CIROZ: variants seen among roughly 807,000 people sequenced by gnomAD.
The protein encoded by CIROZ is ciliated left-right organizer protein containing ZP-N domains.
the CIROZ span, among the ~76,000 whole-genome samples, chr1:10,979,812 C>G: frequency 6.6e-6 from 1 of 152,184 alleles, no homozygotes; most frequent in African/African-American, 2.4e-5. Context: ...CTTTGGGAAG[C>G]GGAGGCGGGC....
At chr1:10,948,931 A>ATCTT in the CIROZ span, 2 of 1,307,282 alleles carry the variant, frequency 1.5e-6, no homozygotes, top group Non-Finnish European at 2.0e-6. Flanking sequence ...CAACCCAAAG[A>ATCTT]TGGGTTCGAG....
chr1:10,953,886 T>G, the CIROZ span: 1 of 1,293,656 alleles, frequency 7.7e-7, no homozygotes, highest in East Asian at 2.8e-5. Flanking sequence ...TCACTTACCT[T>G]GTAGGTGTGG....
chr1:10,957,213 C>T, the CIROZ span: 9 of 853,040 alleles, frequency 1.1e-5, no homozygotes, highest in Non-Finnish European at 3.5e-6. Context: ...AGTCTCTGAA[C>T]TAAAGCCCCA....
At chr1:10,956,925 T>G in the CIROZ span, 1 of 1,039,186 alleles carries the variant, frequency 9.6e-7, no homozygotes, top group Non-Finnish European at 1.4e-6. Context: ...AGAGGTGGGA[T>G]GAGACAGAGG....
At chr1:10,948,083 T>A in the CIROZ span, 1 of 1,613,348 alleles carries the variant, frequency 6.2e-7, no homozygotes, top group Non-Finnish European at 8.5e-7. Context: ...TGAGTTCAGG[T>A]CCTGAACTCA....
the CIROZ span, among the ~76,000 whole-genome samples, chr1:10,973,728 C>T: frequency 2.0e-5 from 3 of 152,138 alleles, no homozygotes; most frequent in African/African-American, 4.8e-5. Context: ...CCTCCCAAAC[C>T]GCAGCTGCAG....
chr1:10,951,335 C>T, the CIROZ span, among the ~76,000 whole-genome samples: 5 of 152,116 alleles, frequency 3.3e-5, no homozygotes, highest in East Asian at 5.8e-4. Context: ...GAGGCTGAGG[C>T]GGCTGGATCA....
At chr1:10,948,126 G>C in the CIROZ span, 1 of 1,613,566 alleles carries the variant, frequency 6.2e-7, no homozygotes, top group South Asian at 1.1e-5. Flanking sequence ...CCTCACACTT[G>C]GGGTGGAGAA....
At chr1:10,954,273 T>C in the CIROZ span, 1 of 1,049,428 alleles carries the variant, frequency 9.5e-7, no homozygotes, top group Non-Finnish European at 1.3e-6. Flanking sequence ...GCTAACACAG[T>C]GAAACCCTGT....
the CIROZ span, chr1:10,949,437 G>A: frequency 1.4e-6 from 1 of 739,632 alleles, no homozygotes; most frequent in Non-Finnish European, 2.2e-6. Context: ...GCTCTTGGGG[G>A]CCCAGCTTTC....
At chr1:10,973,010 G>T in the CIROZ span, among the ~76,000 whole-genome samples, 3 of 152,266 alleles carry the variant, frequency 2.0e-5, no homozygotes, top group Non-Finnish European at 2.9e-5. Context: ...TATAGCCTTT[G>T]CTGAAAACGT....
At chr1:10,964,022 G>C in the CIROZ span, 1 of 1,399,578 alleles carries the variant, frequency 7.1e-7, no homozygotes, top group Non-Finnish European at 9.7e-7. Flanking sequence ...GTCTCCCTGG[G>C]CCACGTCCTG....
chr1:10,954,257 C>T, the CIROZ span: 1 of 1,225,056 alleles, frequency 8.2e-7, no homozygotes, highest in Non-Finnish European at 1.1e-6. Flanking sequence ...AGATCGAGAC[C>T]ATCTGGCTAA....
At chr1:10,956,507 G>A in the CIROZ span, among the ~76,000 whole-genome samples, 5 of 148,358 alleles carry the variant, frequency 3.4e-5, no homozygotes, top group Admixed American at 2.0e-4. Context: ...ATGGAGTCTC[G>A]CTCTGTCCCC....
chr1:10,970,002 C>T, the CIROZ span: 3 of 1,537,090 alleles, frequency 2.0e-6, no homozygotes, highest in South Asian at 3.6e-5. Context: ...CAGCCACCGC[C>T]TCAGCCCCTC....
chr1:10,964,182 C>T, the CIROZ span: 2 of 1,614,192 alleles, frequency 1.2e-6, no homozygotes, highest in East Asian at 2.2e-5. Context: ...TTGACCTTAG[C>T]ATCGGACACT....
chr1:10,966,337 A>AG, the CIROZ span: 35 of 1,497,668 alleles, frequency 2.3e-5, no homozygotes, highest in Non-Finnish European at 3.0e-5. Context: ...AAAAAAAAAA[A>AG]GAAAAGTTTC....
chr1:10,977,440 G>A, the CIROZ span, among the ~76,000 whole-genome samples: 62 of 151,916 alleles, frequency 4.1e-4, no homozygotes, highest in Non-Finnish European at 1.3e-4. Context: ...ATGAGATCAC[G>A]CCACTGCACT....
chr1:10,954,033 A>C, the CIROZ span: 1 of 1,612,286 alleles, frequency 6.2e-7, no homozygotes, highest in Non-Finnish European at 8.5e-7. Flanking sequence ...ACACTGGAAG[A>C]AGCTCTCCAC....
Sources: allele counts gnomAD v4.1 joint callset (sites outside exome capture counted in the v4.1 genomes callset), GRCh38; gene constraint gnomAD v4.1.1; transcripts MANE v1.5; gene names NCBI Gene and HGNC (gene_info 2026-07-23, HGNC 2026-07-21).